The following TAPT1 variants were observed in gnomAD, a reference collection of about 807,000 sequenced individuals.
TAPT1 encodes the protein transmembrane anterior posterior transformation 1, also known as transmembrane anterior posterior transformation protein 1 homolog.
A neutral mutation model predicts 65.6 loss-of-function variants in TAPT1; 28 were observed. The ratio of observed to expected loss-of-function variants is 0.43; its 90% CI spans 0.32 to 0.59. TAPT1 has a LOEUF of 0.59. Ranked by LOEUF, TAPT1 falls within the 20% of genes least tolerant of loss-of-function variation. TAPT1 has a pLI of 0.09. For missense variants in TAPT1, 563 were observed against 679.9 expected, an observed-to-expected ratio of 0.83 and a Z score of 1.91; for synonymous variants, 278 against 245.2, an observed-to-expected ratio of 1.13 and a Z score of -1.25.
intron 4 of TAPT1, 114 bp from the exon 5 acceptor site, chr4:16,188,469 C>T: frequency 1.2e-6 from 1 of 806,858 alleles, no homozygotes; most frequent in Non-Finnish European, 1.8e-6. Flanking sequence ...TAGTAGAAGG[C>T]AAGCTAAAGA....
intron 1 of TAPT1, among the ~76,000 whole-genome samples, chr4:16,223,472 GCAACAAGGAAATA>G (rs1284646966): frequency 6.6e-6 from 1 of 152,190 alleles, no homozygotes; most frequent in East Asian, 1.9e-4. Flanking sequence ...AACCACATAT[GCAACAAGGAAATA>G]CACAATGACC....
chr4:16,198,145 C>T (rs896841718), intron 3 of TAPT1, among the ~76,000 whole-genome samples: 8 of 152,134 alleles, frequency 5.3e-5, no homozygotes, highest in Admixed American at 5.2e-4. Flanking sequence ...TGTAGAACCA[C>T]CCTTGTCCTC....
At chr4:16,210,420 A>G (rs1289609774) in intron 2 of TAPT1, among the ~76,000 whole-genome samples, 7 of 152,254 alleles carry the variant, frequency 4.6e-5, no homozygotes, top group African/African-American at 1.7e-4. Flanking sequence ...TACTGCAAAG[A>G]AAAATATTAC....
At chr4:16,204,194 C>T (rs1750206747) in intron 2 of TAPT1, among the ~76,000 whole-genome samples, 1 of 152,196 alleles carries the variant, frequency 6.6e-6, no homozygotes, top group Admixed American at 6.5e-5. Flanking sequence ...CTGATGTTCC[C>T]AGGAGCGTTT....
In TAPT1 at chr4:16,170,799, T is replaced by C. The variant is rs975768675; in HGVS notation, c.1237-70A>G. On this transcript the variant is annotated intron_variant, in intron 11 of 13. Coordinates refer to ENST00000405303, the MANE Select transcript of TAPT1 (RefSeq NM_153365.3). Reference sequence around the variant, plus strand: ...ACACAACCACAGAGTTATTAGTTAATACTTAAAAAGATTTCTCCATGCTGA... The same window carrying C: ...ACACAACCACAGAGTTATTAGTTAACACTTAAAAAGATTTCTCCATGCTGA... 7 of 1,196,376 alleles carry C rather than the reference T, an allele frequency of 5.9e-6. No homozygotes were observed. In the African/African-American group the frequency reaches 6.0e-5, roughly 10 times the overall value. 74.1% of individuals were successfully genotyped at this position (1,196,376 alleles called of 1,614,324 possible).
Position 16,179,620 on chromosome 4 carries a change from C to T in TAPT1, c.954G>A (p.Leu318=), listed in dbSNP as rs1040824758. 5 of 1,539,498 alleles carry T rather than the reference C, an allele frequency of 3.2e-6. No homozygotes were observed. The highest frequency in any genetic ancestry group is 1.2e-5 in the South Asian group (1 of 81,296). ...GTTCCATGTTTCTTAGACACACTATCAGTAAAAGCACATAATTTGTGAATC... is the reference window on the plus strand; with the variant it reads ...GTTCCATGTTTCTTAGACACACTATTAGTAAAAGCACATAATTTGTGAATC... The part of the protein sequence containing the change: ...KERFTNYVLL[L]IVCLRNMEQF... The change falls in exon 8 of 14, where the codon CTG becomes CTA. Residue 318 remains leucine, a synonymous_variant. Coordinates refer to ENST00000405303, the MANE Select transcript of TAPT1 (RefSeq NM_153365.3).
At chr4:16,202,398 C>G in intron 3 of TAPT1, 64 bp downstream of exon 3, 1 of 1,028,742 alleles carries the variant, frequency 9.7e-7, no homozygotes, top group South Asian at 1.4e-5. Flanking sequence ...ACTCTGCAAC[C>G]ACTACAAGTA....
chr4:16,180,410 T>C (rs748115741), intron 7 of TAPT1, among the ~76,000 whole-genome samples: 1 of 152,168 alleles, frequency 6.6e-6, no homozygotes, highest in South Asian at 2.1e-4. Flanking sequence ...GGCACACCCA[T>C]GTATGTGTGC....
intron 2 of TAPT1, among the ~76,000 whole-genome samples, chr4:16,213,359 C>T (rs1397019464): frequency 6.6e-6 from 1 of 152,078 alleles, no homozygotes; most frequent in Non-Finnish European, 1.5e-5. Context: ...TGTTTATAAA[C>T]ATGTGGGCTT....
chr4:16,188,034 A>C (rs1255328696), intron 5 of TAPT1, among the ~76,000 whole-genome samples, 186 bp downstream of exon 5: 1 of 152,238 alleles, frequency 6.6e-6, no homozygotes, highest in East Asian at 1.9e-4. Context: ...TAATGCCTAC[A>C]TGAGGCTCTT....
intron 5 of TAPT1, among the ~76,000 whole-genome samples, chr4:16,187,783 C>A (rs1749109131): frequency 6.6e-6 from 1 of 152,096 alleles, no homozygotes; most frequent in Non-Finnish European, 1.5e-5. Flanking sequence ...ACACATAAAA[C>A]CACCAAAACT....
rs562454749 is a variant in TAPT1, at chr4:16,188,006, T to G, written c.748+214A>C. 5.9e-5 allele frequency among the ~76,000 whole-genome samples: 9 copies of G among 152,324 alleles called. No individual in the cohort carries two copies. In the South Asian group the frequency reaches 1.9e-3, roughly 32 times the overall value. On this transcript the variant is annotated intron_variant, in intron 5 of 13. Transcript: ENST00000405303. ...CAGTTACACTGCAAACAGAACTGTT[T>G]TCCAGCAGCTCAAAGAGTAATGCCT...
At chr4:16,185,201 T>C (rs1312854129) in intron 7 of TAPT1, among the ~76,000 whole-genome samples, 1 of 152,076 alleles carries the variant, frequency 6.6e-6, no homozygotes, top group Admixed American at 6.5e-5. Flanking sequence ...GCATTACTTG[T>C]TGAGAAACTC....
chr4:16,193,697 T>C (rs977321138), intron 3 of TAPT1, among the ~76,000 whole-genome samples: 2 of 152,212 alleles, frequency 1.3e-5, no homozygotes, highest in Non-Finnish European at 2.9e-5. Flanking sequence ...TGTGAGCTCC[T>C]GGCCTTGGTG....
At chr4:16,199,588 C>T (rs1023936742) in intron 3 of TAPT1, among the ~76,000 whole-genome samples, 2 of 151,914 alleles carry the variant, frequency 1.3e-5, no homozygotes, top group African/African-American at 2.4e-5. Context: ...AGAACAAACA[C>T]TTTAAGAATT....
chr4:16,204,232 T>C (rs1278813234), intron 2 of TAPT1, among the ~76,000 whole-genome samples: 1 of 152,222 alleles, frequency 6.6e-6, no homozygotes, highest in African/African-American at 2.4e-5. Flanking sequence ...TGCAACTCAG[T>C]CTGAAAATCA....
intron 8 of TAPT1, among the ~76,000 whole-genome samples, chr4:16,176,941 T>C (rs572829218): frequency 6.6e-6 from 1 of 152,338 alleles, no homozygotes; most frequent in East Asian, 1.9e-4. Context: ...AGCAGTCTTC[T>C]CCTTCTTTGA....
chr4:16,193,493 A>T (rs1026539705), intron 3 of TAPT1, among the ~76,000 whole-genome samples: 8 of 152,176 alleles, frequency 5.3e-5, no homozygotes, highest in Non-Finnish European at 1.2e-4. Context: ...AATGTCCTTC[A>T]TCTCCTGACT....
At chr4:16,202,181 C>G (rs1455722732) in intron 3 of TAPT1, among the ~76,000 whole-genome samples, 1 of 152,198 alleles carries the variant, frequency 6.6e-6, no homozygotes, top group South Asian at 2.1e-4. Flanking sequence ...CTTTCAGACC[C>G]GGGTCCTTTC....
Sources: gnomAD v4.1 joint callset for allele counts (sites outside exome capture counted in the v4.1 genomes callset) on GRCh38, gnomAD v4.1.1 for gene constraint, MANE v1.5 for transcripts, NCBI Gene and HGNC (gene_info 2026-07-23, HGNC 2026-07-21) for gene names.